The following EIF4G1 variants were observed in gnomAD, a reference collection of about 807,000 sequenced individuals.
EIF4G1 encodes eukaryotic translation initiation factor 4 gamma 1.
In EIF4G1, 4 loss-of-function variants were observed where a neutral mutation model predicts 187.8. The observed-to-expected ratio is 0.02, with a 90% CI of 0.01 to 0.05. The LOEUF is 0.05. Ranked by LOEUF, EIF4G1 falls within the 10% of genes least tolerant of loss-of-function variation. EIF4G1 has a pLI of 1.00. For missense variants in EIF4G1, 1,647 were observed against 2,081.1 expected (o/e 0.79, Z 4.06); for synonymous variants, 844 against 781.4 (o/e 1.08, Z -1.34).
At chr3:184,333,377 G>A (rs1726509270) in intron 32 of EIF4G1, among the ~76,000 whole-genome samples, 1 of 152,104 alleles carries the variant, frequency 6.6e-6, no homozygotes, top group African/African-American at 2.4e-5. Flanking sequence ...GTGAAATGCC[G>A]GCACAGGGTA....
Position 184,327,596 on chromosome 3 carries a change from A to G in EIF4G1, c.3672A>G (p.Glu1224=), listed in dbSNP as rs761519409. The G allele has an allele frequency of 8.2e-5, 132 of 1,614,034 alleles. No homozygotes were observed. The highest frequency in any genetic ancestry group is 1.1e-4 in the Non-Finnish European group (127 of 1,179,984). ...RDRGRDAVKR[E]AALPPVSPLK... ...GTTCTCTTCCCACAGTGAAGCGAGA[A>G]GCTGCCCTACCCCCAGTGAGCCCCC... Residue 1224 remains glutamate (E), a synonymous_variant, in exon 25 of 33, where the codon GAA becomes GAG. Transcript: ENST00000346169.
Position 184,323,870 on chromosome 3 carries a change from G to A in EIF4G1, c.2365G>A (p.Asp789Asn), listed in dbSNP as rs1724361730. 2 of 1,614,176 alleles carry A rather than the reference G, an allele frequency of 1.2e-6. No individual in the cohort carries two copies. The highest frequency in any genetic ancestry group is 1.1e-5 in the South Asian group (1 of 91,072). ...GAAGCAAGTGACGCAGCTGGCCATC[G>A]ACACCGAGGAACGCCTCAAAGGGGT... ...LMKQVTQLAIDTEERLKGVID... is the reference protein window; with the variant it reads ...LMKQVTQLAINTEERLKGVID... Residue 789 changes from aspartate to asparagine, a missense_variant, in exon 16 of 33, where the codon GAC becomes AAC. By Grantham distance (23) the Asp-to-Asn change is conservative (BLOSUM62 1). Coordinates refer to ENST00000346169, the MANE Select transcript of EIF4G1 (RefSeq NM_198241.3). The surrounding 1 kb of genome is among the most constrained non-coding windows in gnomAD (Gnocchi z 6.9).
At chr3:184,326,047 T>C in intron 21 of EIF4G1, 96 bp downstream of exon 21, 1 of 1,318,584 alleles carries the variant, frequency 7.6e-7, no homozygotes, top group Admixed American at 1.8e-5. Context: ...GAATGTTTCC[T>C]CTTAGACTAA....
At chr3:184,316,758 A>G (rs1485335215) in intron 4 of EIF4G1, 1 of 1,595,218 alleles carries the variant, frequency 6.3e-7, no homozygotes, top group Middle Eastern at 1.7e-4. Flanking sequence ...CCAACCCTGG[A>G]CAGTCTTCTG....
chr3:184,325,834 C>A lies in EIF4G1; in HGVS notation c.3122-17C>A. 6.2e-7 allele frequency: 1 copy of A among 1,613,946 alleles called. No homozygotes were observed. ...GGATTTATTCATTATTCCAGTATGC[C>A]CCTCTTTTTGTGTCAGGCCGTGGAC... On this transcript the variant is annotated splice_polypyrimidine_tract_variant and intron_variant, in intron 20 of 32. Coordinates refer to ENST00000346169, the MANE Select transcript of EIF4G1 (RefSeq NM_198241.3). This position sits in a 1 kb window ranked among gnomAD's most constrained non-coding sequence, Gnocchi z 5.2.
chr3:184,322,120 C>G lies in EIF4G1; in HGVS notation c.1519+17C>G, dbSNP rs371463982. On this transcript the variant is annotated intron_variant, in intron 10 of 32. Coordinates refer to ENST00000346169, the MANE Select transcript of EIF4G1 (RefSeq NM_198241.3). ...CCACTCAAGGTAAGGTGTGGTTGGA[C>G]GGTAGAGGTAGGGCGGGCTAGGGGA... 2 of 1,613,906 alleles carry G rather than the reference C, an allele frequency of 1.2e-6. No homozygotes were observed. Among genetic ancestry groups the G allele is most frequent in the African/African-American group, 2.7e-5 (2 of 74,876 alleles).
At position 184,335,011 on chromosome 3, in the gene EIF4G1, C is replaced by G. The variant is rs1726862795; in HGVS notation, c.*103C>G. ...GCAGCAGCGGCGGTGGCAGTGGGTG[C>G]CTGTAGTGTGATGTGTCTGAACTAA... On this transcript the variant is annotated 3_prime_UTR_variant, in exon 33 of 33. Coordinates refer to ENST00000346169, the MANE Select transcript of EIF4G1 (RefSeq NM_198241.3). 1.4e-6 allele frequency: 2 copies of G among 1,473,120 alleles called. No individual in the cohort carries two copies. The highest frequency in any genetic ancestry group is 1.4e-5 in the African/African-American group (1 of 71,844). 91.3% of individuals were successfully genotyped at this position (1,473,120 alleles called of 1,614,324 possible).
intron 28 of EIF4G1, among the ~76,000 whole-genome samples, chr3:184,330,352 C>T (rs951792683): frequency 1.3e-5 from 2 of 152,116 alleles, no homozygotes; most frequent in South Asian, 2.1e-4. Flanking sequence ...GCACTCCAGC[C>T]TGGGCGACAG....
At chr3:184,317,210 G>A (rs751214773) in intron 4 of EIF4G1, 111 bp from the exon 5 acceptor site, 14 of 1,305,244 alleles carry the variant, frequency 1.1e-5, no homozygotes, top group Admixed American at 3.4e-5. Context: ...TGGTCGCCAT[G>A]TTCTGAAGCC....
Position 184,325,753 on chromosome 3 carries a change from G to A in EIF4G1, c.3122-98G>A. 6.2e-7 allele frequency: 1 copy of A among 1,610,802 alleles called. No homozygotes were observed. Among genetic ancestry groups the A allele is most frequent in the Non-Finnish European group, 8.5e-7 (1 of 1,177,102 alleles). Reference sequence around the variant, plus strand: ...TCTGGGCCACTGAGACACCATGATGGAACTGAGGATCTGAGGAAGGGAGGC... The same window carrying A: ...TCTGGGCCACTGAGACACCATGATGAAACTGAGGATCTGAGGAAGGGAGGC... On this transcript the variant is annotated intron_variant, in intron 20 of 32. Transcript: ENST00000346169. The surrounding 1 kb of genome is among the most constrained non-coding windows in gnomAD (Gnocchi z 5.2).
intron 17 of EIF4G1, among the ~76,000 whole-genome samples, chr3:184,324,595 G>A (rs1233444151): frequency 6.6e-6 from 1 of 152,190 alleles, no homozygotes; most frequent in Non-Finnish European, 1.5e-5. Flanking sequence ...AAGTAGCTGG[G>A]ATTACAGGCA....
rs902971473 is a variant in EIF4G1, at chr3:184,316,274, T to C, written c.147+56T>C. The stretch of plus-strand genomic sequence containing the variant: ...CCTGGGTGGGAGCAGTGGAAAGCTT[T>C]GGCCAGTTTAGGTCTAGGATGGAAA... On this transcript the variant is annotated intron_variant, in intron 4 of 32. Transcript: ENST00000346169. 6.2e-6 allele frequency: 10 copies of C among 1,602,074 alleles called. No individual in the cohort carries two copies. The African/African-American group carries it at 1.3e-4, about 22-fold the overall frequency.
Position 184,325,224 on chromosome 3 carries a change from G to A in EIF4G1, c.2857-45G>A. ...GGAGGGGTGGGGCCTGCAGTTATAG[G>A]TGGGACATGAGAAGTTCCTGGTCTG... On this transcript the variant is annotated intron_variant, in intron 18 of 32. Transcript: ENST00000346169. This position sits in a 1 kb window ranked among gnomAD's most constrained non-coding sequence, Gnocchi z 5.2. 2 of 1,610,488 alleles carry A rather than the reference G, an allele frequency of 1.2e-6. No individual in the cohort carries two copies.
rs370764008 is a variant in EIF4G1, at chr3:184,325,389, C to T, written c.2961+16C>T. On this transcript the variant is annotated intron_variant, in intron 19 of 32. Transcript: ENST00000346169. This position sits in a 1 kb window ranked among gnomAD's most constrained non-coding sequence, Gnocchi z 5.2. Reference sequence around the variant, plus strand: ...TCTGCGAGGGGTGTGTGTCCCCCTCCTCCCCACTGCCAGCCTGCTGCCTCC... The same window carrying T: ...TCTGCGAGGGGTGTGTGTCCCCCTCTTCCCCACTGCCAGCCTGCTGCCTCC... 2.7e-5 allele frequency: 44 copies of T among 1,614,130 alleles called. No individual in the cohort carries two copies. The African/African-American group carries it at 4.4e-4, about 16-fold the overall frequency.
chr3:184,316,265 G>C, intron 4 of EIF4G1, 47 bp downstream of exon 4: 1 of 1,606,580 alleles, frequency 6.2e-7, no homozygotes, highest in Non-Finnish European at 8.5e-7. Context: ...TGGGAGCAGT[G>C]GAAAGCTTTG....
rs144580979 is a variant in EIF4G1 at position 184,322,739 on chromosome 3, A to G, written c.1795+9A>G. The G allele has an allele frequency of 3.6e-4, 589 of 1,614,204 alleles. 4 individuals carry two copies. The African/African-American group carries it at 7.3e-3, about 20-fold the overall frequency. On this transcript the variant is annotated intron_variant, in intron 12 of 32. Transcript: ENST00000346169. Reference sequence around the variant, plus strand: ...GTATGAATATAAGTCAGGTATGCTGAAGAAAGGGTTGAGAATGGCTTGAGT... The same window carrying G: ...GTATGAATATAAGTCAGGTATGCTGGAGAAAGGGTTGAGAATGGCTTGAGT...
rs1369897715 is a variant in EIF4G1, at chr3:184,327,708, G to C, written c.3780+4G>C. The C allele has an allele frequency of 6.2e-7, 1 of 1,614,052 alleles. No individual in the cohort carries two copies. The highest frequency in any genetic ancestry group is 2.2e-5 in the East Asian group (1 of 44,878). On this transcript the variant is annotated splice_donor_region_variant and intron_variant, in intron 25 of 32. Transcript: ENST00000346169. ...TCTCCATCTCAATGACATGAAAGTA[G>C]GCAGTGGGAGCGGCGTGTGATTGAG...
chr3:184,321,942 A>G lies in EIF4G1; in HGVS notation c.1358A>G (p.Gln453Arg). Residue 453 changes from glutamine to arginine, a missense_variant, in exon 10 of 33, where the codon CAG (glutamine) becomes CGG (arginine). Physicochemically the swap from Gln to Arg is conservative, Grantham distance 43 (BLOSUM62 1). Coordinates refer to ENST00000346169, the MANE Select transcript of EIF4G1 (RefSeq NM_198241.3). ...GCTCCTTCAGCTACTTCCCCAGCTC[A>G]GGAGGAGGAAATGGAAGAAGAAGAA... ...ATAPSATSPA[Q>R]EEEMEEEEEE... 1 of 1,614,022 alleles carries G rather than the reference A, an allele frequency of 6.2e-7. No individual in the cohort carries two copies. The highest frequency in any genetic ancestry group is 8.5e-7 in the Non-Finnish European group (1 of 1,179,916).
At chr3:184,327,497 A>T (rs772267606) in intron 24 of EIF4G1, 49 bp downstream of exon 24, 18 of 1,612,538 alleles carry the variant, frequency 1.1e-5, no homozygotes. Flanking sequence ...CTGCCTTGGG[A>T]CTAGCTGGTC....
Sources: gnomAD v4.1 joint callset for allele counts (sites outside exome capture counted in the v4.1 genomes callset) on GRCh38, gnomAD v4.1.1 for gene constraint, Gnocchi (gnomAD v3.1) non-coding constraint, MANE v1.5 for transcripts, NCBI Gene and HGNC (gene_info 2026-07-23, HGNC 2026-07-21) for gene names.